Variants in GORAB observed in about 807,000 individuals in gnomAD.
The protein encoded by GORAB is RAB6-interacting golgin.
GORAB carries 17 observed loss-of-function variants against 29.9 expected under a neutral mutation model. That is an observed-to-expected ratio of 0.57 (90% CI 0.39 to 0.85). The LOEUF is 0.85. Ranked by LOEUF, GORAB falls within the 40% of genes least tolerant of loss-of-function variation. GORAB has a pLI of 0.00. For missense variants in GORAB, 442 were observed against 437.8 expected (o/e 1.01, Z -0.09); for synonymous variants, 183 against 157.2 (o/e 1.16, Z -1.23).
intron 1 of GORAB, among the ~76,000 whole-genome samples, chr1:170,534,794 C>G (rs1237876915): frequency 6.6e-6 from 1 of 152,028 alleles, no homozygotes; most frequent in African/African-American, 2.4e-5. Flanking sequence ...TGCGCAAGGA[C>G]AAAATTGCCT....
intron 4 of GORAB, chr1:170,545,155 A>G (rs1158929366): frequency 1.9e-6 from 2 of 1,047,430 alleles, no homozygotes; most frequent in Non-Finnish European, 2.3e-6. Flanking sequence ...ATCTTTCAGC[A>G]TCTAGCAAAG....
intron 4 of GORAB, among the ~76,000 whole-genome samples, chr1:170,550,956 A>C (rs1022207611): frequency 2.6e-5 from 4 of 152,368 alleles, no homozygotes; most frequent in African/African-American, 9.6e-5. Context: ...TGCAGAAGAA[A>C]AAAAGTGAGA....
intron 1 of GORAB, among the ~76,000 whole-genome samples, chr1:170,534,406 G>A (rs920781861): frequency 6.6e-6 from 1 of 152,098 alleles, no homozygotes; most frequent in Non-Finnish European, 1.5e-5. Flanking sequence ...TGGTGTATGT[G>A]GTCTTCACAG....
intron 4 of GORAB, among the ~76,000 whole-genome samples, chr1:170,547,089 G>A (rs1014307961): frequency 3.3e-5 from 5 of 152,084 alleles, no homozygotes; most frequent in Non-Finnish European, 7.3e-5. Context: ...GTAAGATTAA[G>A]GTATTATTTT....
intron 4 of GORAB, among the ~76,000 whole-genome samples, chr1:170,546,258 T>C (rs1649754581): frequency 1.3e-5 from 2 of 151,948 alleles, no homozygotes; most frequent in African/African-American, 4.8e-5. Flanking sequence ...GGCGTGGTGG[T>C]GGGCGCCTAT....
At chr1:170,551,880 G>A in intron 4 of GORAB, 135 bp from the exon 5 acceptor site, 1 of 757,566 alleles carries the variant, frequency 1.3e-6, no homozygotes, top group Non-Finnish European at 2.2e-6. Flanking sequence ...ACAAGTGTTT[G>A]TAAAGTAGTA....
In GORAB at chr1:170,552,412, A is replaced by C; in HGVS notation, c.1060A>C (p.Asn354His). ...CAGTAGCATCCCCTTTCTTAGTCCAAACTGCCCAAATCAAGAAGGTAATGA... is the reference window on the plus strand; with the variant it reads ...CAGTAGCATCCCCTTTCTTAGTCCACACTGCCCAAATCAAGAAGGTAATGA... ...NSSSIPFLSP[N>H]CPNQEGNDIS... Residue 354 changes from asparagine to histidine, a missense_variant, in exon 5 of 5, where the codon AAC becomes CAC. By Grantham distance (68) the Asn-to-His change is moderately conservative (BLOSUM62 1). Coordinates refer to ENST00000367763, the MANE Select transcript of GORAB (RefSeq NM_152281.3). The C allele has an allele frequency of 6.2e-7, 1 of 1,614,086 alleles. No homozygotes were observed. The highest frequency in any genetic ancestry group is 8.5e-7 in the Non-Finnish European group (1 of 1,179,954).
chr1:170,545,790 G>T (rs768730466), intron 4 of GORAB: 24 of 966,924 alleles, frequency 2.5e-5, no homozygotes, highest in Non-Finnish European at 3.0e-5. Flanking sequence ...GTTTAAGAAA[G>T]AGTCTTGTGG....
rs1465200138 is a variant in GORAB at position 170,552,386 on chromosome 1, C to A, written c.1034C>A (p.Ser345Tyr). 6.2e-7 allele frequency: 1 copy of A among 1,613,910 alleles called. No homozygotes were observed. The highest frequency in any genetic ancestry group is 8.5e-7 in the Non-Finnish European group (1 of 1,179,968). Residue 345 changes from serine (S) to tyrosine (Y), a missense_variant, in exon 5 of 5, where the codon TCC becomes TAC. By Grantham distance (144) the Ser-to-Tyr change is moderately radical (BLOSUM62 -2). Transcript: ENST00000367763. The stretch of plus-strand genomic sequence containing the variant: ...AAGGTAGATGACCAGTGTGGAAATT[C>A]CAGTAGCATCCCCTTTCTTAGTCCA... The part of the protein sequence containing the change: ...SPKVDDQCGN[S>Y]SSIPFLSPNC...
At chr1:170,545,701 A>C (rs1383406900) in intron 4 of GORAB, 1 of 985,010 alleles carries the variant, frequency 1.0e-6, no homozygotes, top group Non-Finnish European at 1.2e-6. Flanking sequence ...GGCCAGGGTA[A>C]ACCACAACAT....
At chr1:170,532,605 C>G (rs10919426) in intron 1 of GORAB, 97,124 of 351,888 alleles carry the variant, frequency 0.28, 16,151 homozygotes, top group Non-Finnish European at 0.36. Context: ...GGGAAGATTG[C>G]TGCAGGAATC....
At chr1:170,542,330 C>A (rs935781066) in intron 2 of GORAB, among the ~76,000 whole-genome samples, 161 bp from the exon 3 acceptor site, 4 of 152,126 alleles carry the variant, frequency 2.6e-5, no homozygotes, top group African/African-American at 9.7e-5. Context: ...AAATAATGAA[C>A]TGCAGATGGG....
At chr1:170,548,055 C>A (rs905991624) in intron 4 of GORAB, among the ~76,000 whole-genome samples, 3 of 152,324 alleles carry the variant, frequency 2.0e-5, no homozygotes, top group Middle Eastern at 6.8e-3. Flanking sequence ...AAGAAGTAAT[C>A]CAAACTGGGT....
intron 2 of GORAB, among the ~76,000 whole-genome samples, chr1:170,541,223 AAAAG>A (rs1389848410): frequency 3.3e-5 from 5 of 151,080 alleles, no homozygotes; most frequent in African/African-American, 1.2e-4. Flanking sequence ...AAAAAAAAAA[AAAAG>A]CAGAACTGAG....
chr1:170,538,751 C>G (rs1428088425), intron 1 of GORAB, among the ~76,000 whole-genome samples: 2 of 152,134 alleles, frequency 1.3e-5, no homozygotes, highest in African/African-American at 4.8e-5. Context: ...CCAAATTGCC[C>G]TAAAAGCTGT....
chr1:170,547,539 G>T (rs1344564069), intron 4 of GORAB, among the ~76,000 whole-genome samples: 1 of 152,176 alleles, frequency 6.6e-6, no homozygotes, highest in East Asian at 1.9e-4. Context: ...GTGGCTGCAT[G>T]TAGAACATTT....
intron 1 of GORAB, among the ~76,000 whole-genome samples, chr1:170,533,114 T>C (rs1376324852): frequency 6.6e-6 from 1 of 152,218 alleles, no homozygotes; most frequent in East Asian, 1.9e-4. Flanking sequence ...CTGTAAGAAG[T>C]GTACATCACT....
chr1:170,533,269 A>G (rs1316572139), intron 1 of GORAB, among the ~76,000 whole-genome samples: 1 of 152,216 alleles, frequency 6.6e-6, no homozygotes, highest in Non-Finnish European at 1.5e-5. Context: ...ACAAGTGGGA[A>G]AAGAAGTAAA....
At chr1:170,533,210 C>G (rs189988501) in intron 1 of GORAB, among the ~76,000 whole-genome samples, 75 of 152,244 alleles carry the variant, frequency 4.9e-4, no homozygotes, top group Non-Finnish European at 4.6e-4. Context: ...GGATGTTGCT[C>G]TGGTAGCTTG....
Sources: gnomAD v4.1 joint callset for allele counts (sites outside exome capture counted in the v4.1 genomes callset) on GRCh38, gnomAD v4.1.1 for gene constraint, MANE v1.5 for transcripts, NCBI Gene and HGNC (gene_info 2026-07-23, HGNC 2026-07-21) for gene names.